The following DIS3L variants were observed in gnomAD, a reference collection of about 807,000 sequenced individuals.
The protein encoded by DIS3L is DIS3 like exosome 3'-5' exoribonuclease, also known as DIS3-like exonuclease 1.
DIS3L carries 100 observed loss-of-function variants against 120.3 expected under a neutral mutation model. The ratio of observed to expected loss-of-function variants is 0.83; its 90% confidence interval spans 0.71 to 0.98. DIS3L has a LOEUF of 0.98. Among genes scored for constraint, DIS3L ranks in the 50% least tolerant of loss-of-function variants. DIS3L has a pLI of 0.00. For synonymous variants in DIS3L, 426 were observed against 470.6 expected, an observed-to-expected ratio of 0.91 and a Z score of 1.23; for missense variants, 1,196 against 1,314.2, an observed-to-expected ratio of 0.91 and a Z score of 1.39.
At chr15:66,326,638 G>A in intron 12 of DIS3L, 1 of 333,048 alleles carries the variant, frequency 3.0e-6, no homozygotes, top group Non-Finnish European at 5.6e-6. Flanking sequence ...GGAGTACAGT[G>A]GTATGATCTC....
At position 66,293,632 on chromosome 15, in the gene DIS3L, G is replaced by T. The variant is rs2092546864; in HGVS notation, c.36G>T (p.Arg12Ser). ...LQKREKVLLL[R>S]TFQGRTLRIV... ...AGCGGGAGAAGGTGCTGCTGCTGAG[G>T]ACCTTCCAGGGCCGCACGCTGCGGA... Residue 12 changes from arginine (R) to serine (S), a missense_variant, in exon 1 of 17, where the codon AGG (arginine) becomes AGT (serine). Physicochemically the swap from Arg to Ser is moderately radical, Grantham distance 110 (BLOSUM62 -1). Coordinates refer to ENST00000319212, the MANE Select transcript of DIS3L (RefSeq NM_001143688.3). 6.9e-7 allele frequency: 1 copy of T among 1,448,180 alleles called. No homozygotes were observed. The highest frequency in any genetic ancestry group is 9.1e-7 in the Non-Finnish European group (1 of 1,102,952). The allele number at this position is 1,448,180 out of a possible 1,614,324, so 89.7% of individuals were successfully genotyped here. A position where few individuals can be genotyped will look rare whatever the true frequency, so the allele number is the denominator to read the frequency against.
chr15:66,326,287 G>A lies in DIS3L; in HGVS notation c.2124G>A (p.Gln708=), dbSNP rs990237270. 6.2e-6 allele frequency: 10 copies of A among 1,613,940 alleles called. No individual in the cohort carries two copies. The highest frequency in any genetic ancestry group is 8.5e-6 in the Non-Finnish European group (10 of 1,180,046). The change falls in exon 12 of 17, where the codon CAG becomes CAA. Residue 708 remains glutamine (Q), a synonymous_variant. Coordinates refer to ENST00000319212, the MANE Select transcript of DIS3L (RefSeq NM_001143688.3). ...TCCCTCATCAGGCCTTGCTGCGCCA[G>A]CACCCTCCTCCACACCAGGAGTTCT... is the stretch of plus-strand genomic sequence containing the variant. ...ESFPHQALLR[Q]HPPPHQEFFS... is the part of the protein sequence containing the mutation.
Position 66,328,961 on chromosome 15 carries a change from C to G in DIS3L, c.2202-9C>G. On this transcript the variant is annotated splice_polypyrimidine_tract_variant and intron_variant, in intron 12 of 16. Transcript: ENST00000319212. Reference sequence around the variant, plus strand: ...GGGACTAGCTAACGGTTTTTCTGTTCTTTGTCAGGTCCAATAAAACACTGG... The same window carrying G: ...GGGACTAGCTAACGGTTTTTCTGTTGTTTGTCAGGTCCAATAAAACACTGG... 6.2e-7 allele frequency: 1 copy of G among 1,607,622 alleles called. No homozygotes were observed. Among genetic ancestry groups the G allele is most frequent in the South Asian group, 1.1e-5 (1 of 89,792 alleles).
intron 4 of DIS3L, 51 bp downstream of exon 4, chr15:66,308,895 C>A: frequency 6.4e-7 from 1 of 1,561,250 alleles, no homozygotes. Flanking sequence ...AAGTAGTACC[C>A]ATAAGGCTCT....
At chr15:66,314,891 A>T (rs181834244) in intron 6 of DIS3L, 145 bp from the exon 7 acceptor site, 291 of 805,350 alleles carry the variant, frequency 3.6e-4, no homozygotes, top group African/African-American at 3.4e-3. Context: ...AACCTGCAGA[A>T]CAAAAGTTTG....
At chr15:66,320,845 G>A in intron 9 of DIS3L, 113 bp downstream of exon 9, 1 of 1,297,972 alleles carries the variant, frequency 7.7e-7, no homozygotes, top group Non-Finnish European at 1.0e-6. Context: ...CTGTGTGAAG[G>A]CACAGATAAT....
intron 4 of DIS3L, among the ~76,000 whole-genome samples, chr15:66,311,235 C>T (rs559848422): frequency 2.7e-3 from 414 of 151,980 alleles, no homozygotes; most frequent in Non-Finnish European, 3.5e-3. Context: ...TGGTGGCATG[C>T]GCCTCTAGTC....
At position 66,312,011 on chromosome 15, in the gene DIS3L, A is replaced by AGTC. The variant is rs2140357495; in HGVS notation, c.735+112_735+113insTCG. On this transcript the variant is annotated intron_variant, in intron 5 of 16. Coordinates refer to ENST00000319212, the MANE Select transcript of DIS3L (RefSeq NM_001143688.3). ...TGCTTTAGCCCAGGAGCTGGAGACC[A>AGTC]GACTGGGCAACATAGTGAAACCCTG... 15 of 1,266,208 alleles carry AGTC rather than the reference A, an allele frequency of 1.2e-5. No individual in the cohort carries two copies. In the South Asian group the frequency reaches 2.0e-4, roughly 17 times the overall value. The allele number at this position is 1,266,208 out of a possible 1,614,324, so 78.4% of individuals were successfully genotyped here. A position where few individuals can be genotyped will look rare whatever the true frequency, so the allele number is the denominator to read the frequency against.
At chr15:66,323,634 C>G (rs1391930935) in intron 11 of DIS3L, 49 bp downstream of exon 11, 1 of 1,573,976 alleles carries the variant, frequency 6.4e-7, no homozygotes, top group Non-Finnish European at 8.7e-7. Context: ...CCTTCTGTGG[C>G]TCCTGATGCT....
At chr15:66,323,691 C>A in intron 11 of DIS3L, 106 bp downstream of exon 11, 1 of 1,141,724 alleles carries the variant, frequency 8.8e-7, no homozygotes, top group Non-Finnish European at 1.3e-6. Flanking sequence ...CCCACCCCAG[C>A]CCTGTGTCTC....
At chr15:66,331,077 C>T (rs1821503651) in intron 14 of DIS3L, among the ~76,000 whole-genome samples, 3 of 152,044 alleles carry the variant, frequency 2.0e-5, no homozygotes. Context: ...ATCACTTGAA[C>T]CCGGGAGGCA....
Position 66,306,729 on chromosome 15 carries a change from C to T in DIS3L, c.294-95C>T, listed in dbSNP as rs1303732906. 4 of 1,539,672 alleles carry T rather than the reference C, an allele frequency of 2.6e-6. No homozygotes were observed. In the African/African-American group the frequency reaches 5.5e-5, roughly 21 times the overall value. On this transcript the variant is annotated intron_variant, in intron 2 of 16. Transcript: ENST00000319212. ...CAGGTTTAAAGTAATCAATCTTTTG[C>T]TCTAAAATACCCCATCCTTTTTTGA...
intron 2 of DIS3L, among the ~76,000 whole-genome samples, chr15:66,304,794 G>A (rs1299530873): frequency 2.0e-5 from 3 of 150,114 alleles, no homozygotes; most frequent in Admixed American, 1.3e-4. Context: ...CCAGCTGCTC[G>A]GGAGGCTGGG....
At chr15:66,306,775 T>G (rs896892838) in intron 2 of DIS3L, 49 bp from the exon 3 acceptor site, 4 of 1,608,388 alleles carry the variant, frequency 2.5e-6, no homozygotes, top group Non-Finnish European at 3.4e-6. Flanking sequence ...GAGATAGCAG[T>G]GGATGAGTAC....
At chr15:66,294,236 G>T in intron 1 of DIS3L, 1 of 985,484 alleles carries the variant, frequency 1.0e-6, no homozygotes, top group Non-Finnish European at 1.2e-6. Context: ...CCACTTCACC[G>T]TAGATTTGTG....
chr15:66,318,043 G>A (rs974927755), intron 7 of DIS3L, among the ~76,000 whole-genome samples: 4 of 151,830 alleles, frequency 2.6e-5, no homozygotes, highest in East Asian at 1.9e-4. Context: ...GGTGCATCTC[G>A]GCTCACTGCA....
rs2092972567 is a variant in DIS3L, at chr15:66,329,227, C to T, written c.2363C>T (p.Ala788Val). 2 of 1,598,484 alleles carry T rather than the reference C, an allele frequency of 1.3e-6. No homozygotes were observed. Among genetic ancestry groups the T allele is most frequent in the Non-Finnish European group, 1.7e-6 (2 of 1,173,284 alleles). ...TTTTGCTTTCTTTTTGAAGGTCTTG[C>T]ATTAGATAAATATACCCACTTTACT... is the stretch of plus-strand genomic sequence containing the variant. ...AEEEFHHYGLALDKYTHFTSP... is the reference protein window; with the variant it reads ...AEEEFHHYGLVLDKYTHFTSP... The change falls in exon 14 of 17, where the codon GCA becomes GTA. Residue 788 changes from alanine (A) to valine (V), a missense_variant. Coordinates refer to ENST00000319212, the MANE Select transcript of DIS3L (RefSeq NM_001143688.3).
chr15:66,293,780 C>T (rs1349713483), intron 1 of DIS3L, 45 bp downstream of exon 1: 10 of 1,144,258 alleles, frequency 8.7e-6, no homozygotes, highest in Non-Finnish European at 9.6e-6. Context: ...CGGGAGCGGG[C>T]GGCCGCAGTG....
chr15:66,316,507 C>T (rs1189608787), intron 7 of DIS3L, among the ~76,000 whole-genome samples: 3 of 152,148 alleles, frequency 2.0e-5, no homozygotes, highest in African/African-American at 7.2e-5. Flanking sequence ...CACTCAAAGA[C>T]ACAATGATCC....
Sources: allele counts gnomAD v4.1 joint callset (sites outside exome capture counted in the v4.1 genomes callset), GRCh38; gene constraint gnomAD v4.1.1; transcripts MANE v1.5; gene names NCBI Gene and HGNC (gene_info 2026-07-23, HGNC 2026-07-21).